The following CCDC178 variants were observed in gnomAD, a reference collection of about 807,000 sequenced individuals.
CCDC178 encodes the protein coiled-coil domain containing 178, also known as coiled-coil domain-containing protein 178.
In CCDC178, 126 loss-of-function variants were observed where a neutral mutation model predicts 117.4. The observed-to-expected ratio is 1.07, with a 90% confidence interval of 0.93 to 1.24. CCDC178 has a LOEUF of 1.24. Among genes scored for constraint, CCDC178 ranks in the 50% most tolerant of loss-of-function variants. The pLI is 0.00. For synonymous variants in CCDC178, 283 were observed against 313.4 expected (o/e 0.90, Z 1.02); for missense variants, 1,030 against 986.9 (o/e 1.04, Z -0.59).
intron 20 of CCDC178, among the ~76,000 whole-genome samples, chr18:33,115,075 T>G (rs971961960): frequency 1.3e-5 from 2 of 152,058 alleles, no homozygotes; most frequent in Non-Finnish European, 2.9e-5. Context: ...ATACCAGCAT[T>G]TCCCTCTCTA....
intron 22 of CCDC178, among the ~76,000 whole-genome samples, chr18:32,940,945 G>C (rs1390258213): frequency 2.6e-5 from 4 of 152,008 alleles, no homozygotes; most frequent in Non-Finnish European, 4.4e-5. Context: ...AGACATAGGA[G>C]GTAGAGCTCC....
At chr18:33,426,860 T>C (rs2064131891) in intron 2 of CCDC178, among the ~76,000 whole-genome samples, 1 of 152,106 alleles carries the variant, frequency 6.6e-6, no homozygotes, top group Non-Finnish European at 1.5e-5. Context: ...AAAATGAGGA[T>C]TGTCAACAAT....
At chr18:33,291,232 C>A (rs1163878989) in intron 12 of CCDC178, among the ~76,000 whole-genome samples, 5 of 151,978 alleles carry the variant, frequency 3.3e-5, no homozygotes, top group African/African-American at 1.2e-4. Context: ...TGTATTTATA[C>A]CTGATACTAC....
At chr18:33,296,725 C>T (rs183948713) in intron 11 of CCDC178, among the ~76,000 whole-genome samples, 106 of 152,230 alleles carry the variant, frequency 7.0e-4, no homozygotes, top group Non-Finnish European at 7.4e-5. Flanking sequence ...AGGTATCAGT[C>T]TAATTAAGAA....
At chr18:33,181,273 G>T (rs2058730046) in intron 20 of CCDC178, among the ~76,000 whole-genome samples, 1 of 151,900 alleles carries the variant, frequency 6.6e-6, no homozygotes, top group African/African-American at 2.4e-5. Context: ...TAAAGTGATT[G>T]CCATTTGTCA....
chr18:33,165,469 CT>C (rs2058517470), intron 20 of CCDC178, among the ~76,000 whole-genome samples: 1 of 152,100 alleles, frequency 6.6e-6, no homozygotes, highest in African/African-American at 2.4e-5. Flanking sequence ...AACTTGCATC[CT>C]CAGGTTTTGG....
intron 21 of CCDC178, among the ~76,000 whole-genome samples, chr18:33,066,516 A>T (rs1335425396): frequency 1.3e-5 from 2 of 152,216 alleles, no homozygotes; most frequent in African/African-American, 4.8e-5. Context: ...ATAACTTTGA[A>T]TATAAAAAAT....
intron 12 of CCDC178, among the ~76,000 whole-genome samples, chr18:33,278,123 T>G (rs535794225): frequency 7.2e-5 from 11 of 151,938 alleles, no homozygotes; most frequent in Non-Finnish European, 1.3e-4. Context: ...CAAGTACAGA[T>G]GAAACTATAT....
chr18:33,069,503 C>G (rs749788273), intron 21 of CCDC178, among the ~76,000 whole-genome samples: 5 of 152,030 alleles, frequency 3.3e-5, no homozygotes, highest in Non-Finnish European at 7.4e-5. Flanking sequence ...ATTTCTGGCT[C>G]TCACCATAAG....
At chr18:33,210,181 C>A (rs1203740172) in intron 20 of CCDC178, among the ~76,000 whole-genome samples, 1 of 151,878 alleles carries the variant, frequency 6.6e-6, no homozygotes, top group Non-Finnish European at 1.5e-5. Context: ...TTTTAGGATA[C>A]AGAAAAGGAT....
At chr18:33,127,010 A>G (rs1299545845) in intron 20 of CCDC178, among the ~76,000 whole-genome samples, 1 of 144,878 alleles carries the variant, frequency 6.9e-6, no homozygotes, top group Non-Finnish European at 1.5e-5. Flanking sequence ...ATATATATAT[A>G]TATATACACA....
At chr18:33,147,671 A>G (rs1271695421) in intron 20 of CCDC178, among the ~76,000 whole-genome samples, 2 of 152,028 alleles carry the variant, frequency 1.3e-5, no homozygotes, top group Non-Finnish European at 2.9e-5. Flanking sequence ...TGTTTCAGAG[A>G]GCACGGGGTT....
intron 21 of CCDC178, among the ~76,000 whole-genome samples, chr18:33,088,220 T>G (rs1226764906): frequency 6.6e-6 from 1 of 152,104 alleles, no homozygotes; most frequent in Non-Finnish European, 1.5e-5. Context: ...AATCTTGAAG[T>G]TGGGTAGTGT....
In CCDC178 at chr18:33,146,535, G is replaced by A. The variant is rs76104160; in HGVS notation, c.2239-53625C>T. Among the ~76,000 whole-genome samples, 1,387 of 152,232 alleles carry A rather than the reference G, an allele frequency of 9.1e-3. 14 individuals carry two copies. Among genetic ancestry groups the A allele is most frequent in the Middle Eastern group, 0.02 (6 of 294 alleles). ...TTTAGCAGGATATGGTGGCATATGG[G>A]AAGCTACATGGGAGGCTGAGGCAGA... On this transcript the variant is annotated intron_variant, in intron 20 of 22. Coordinates refer to ENST00000383096, the MANE Select transcript of CCDC178 (RefSeq NM_001105528.4).
intron 21 of CCDC178, among the ~76,000 whole-genome samples, chr18:33,090,305 T>C (rs934918537): frequency 6.6e-6 from 1 of 152,140 alleles, no homozygotes; most frequent in Non-Finnish European, 1.5e-5. Flanking sequence ...ATAATTAAAA[T>C]ATAATTATTT....
At chr18:33,074,374 C>T (rs530894543) in intron 21 of CCDC178, among the ~76,000 whole-genome samples, 44 of 152,236 alleles carry the variant, frequency 2.9e-4, no homozygotes, top group Middle Eastern at 3.4e-3. Context: ...ACTACTCCCG[C>T]GACTTCCAAC....
At chr18:33,036,785 G>A (rs1316747587) in intron 21 of CCDC178, among the ~76,000 whole-genome samples, 1 of 151,914 alleles carries the variant, frequency 6.6e-6, no homozygotes, top group Non-Finnish European at 1.5e-5. Flanking sequence ...AAATAGCTGT[G>A]AGGAGGGAGG....
intron 21 of CCDC178, among the ~76,000 whole-genome samples, chr18:33,005,662 C>G (rs936035530): frequency 1.3e-5 from 2 of 151,884 alleles, no homozygotes; most frequent in Non-Finnish European, 2.9e-5. Context: ...GTAATGGATA[C>G]CTAATTTACT....
intron 4 of CCDC178, among the ~76,000 whole-genome samples, chr18:33,393,224 C>G (rs915405171): frequency 6.6e-6 from 1 of 151,932 alleles, no homozygotes; most frequent in Non-Finnish European, 1.5e-5. Context: ...CTTTAGTGAG[C>G]TTTAACATAT....
Sources: gnomAD v4.1 joint callset for allele counts (sites outside exome capture counted in the v4.1 genomes callset) on GRCh38, gnomAD v4.1.1 for gene constraint, MANE v1.5 for transcripts, NCBI Gene and HGNC (gene_info 2026-07-23, HGNC 2026-07-21) for gene names.